CDH18: variants seen among roughly 807,000 people sequenced by gnomAD.
The protein encoded by CDH18 is cadherin 18, also known as cadherin-18.
CDH18 carries 31 observed loss-of-function variants against 67.9 expected under a neutral mutation model. The ratio of observed to expected loss-of-function variants is 0.46; its 90% CI spans 0.34 to 0.62. The LOEUF (loss-of-function observed/expected upper bound fraction) is 0.62. CDH18 is among the 20% of genes least tolerant of loss of function. The pLI, the probability that CDH18 is intolerant of heterozygous loss-of-function variation, is 0.01. For synonymous variants in CDH18, 362 were observed against 347.2 expected (o/e 1.04, Z -0.48); for missense variants, 890 against 975.5 (o/e 0.91, Z 1.17).
At chr5:20,346,803 A>G (rs374249675) in intron 1 of CDH18, among the ~76,000 whole-genome samples, 46 of 152,304 alleles carry the variant, frequency 3.0e-4, no homozygotes, top group African/African-American at 9.6e-4. Context: ...GGAATAGTTT[A>G]CAATGCATAA....
intron 2 of CDH18, among the ~76,000 whole-genome samples, chr5:19,947,984 C>G (rs983716237): frequency 6.6e-6 from 1 of 152,052 alleles, no homozygotes; most frequent in African/African-American, 2.4e-5. Flanking sequence ...AATAAACAGA[C>G]CTTTCACTGA....
chr5:20,214,066 C>A (rs1367383247), intron 2 of CDH18, among the ~76,000 whole-genome samples: 1 of 151,934 alleles, frequency 6.6e-6, no homozygotes, highest in Non-Finnish European at 1.5e-5. Context: ...AGAGCCAAAT[C>A]AAGAATGCAA....
At chr5:19,642,525 G>C (rs1754155753) in intron 5 of CDH18, among the ~76,000 whole-genome samples, 2 of 152,048 alleles carry the variant, frequency 1.3e-5, no homozygotes, top group South Asian at 4.1e-4. Context: ...GAAATTCAGT[G>C]ATCTACGGCT....
chr5:19,849,867 C>T (rs912320024), intron 2 of CDH18, among the ~76,000 whole-genome samples: 9 of 151,126 alleles, frequency 6.0e-5, no homozygotes, highest in Non-Finnish European at 1.3e-4. Flanking sequence ...AAACCATTAT[C>T]TTATTACAGT....
intron 1 of CDH18, among the ~76,000 whole-genome samples, chr5:20,526,554 G>T (rs1756078310): frequency 6.6e-6 from 1 of 152,090 alleles, no homozygotes; most frequent in African/African-American, 2.4e-5. Flanking sequence ...GCTTCCGGAG[G>T]AAGGAGCAGG....
intron 2 of CDH18, among the ~76,000 whole-genome samples, chr5:20,014,424 G>C (rs1433392236): frequency 6.6e-6 from 1 of 152,058 alleles, no homozygotes; most frequent in Non-Finnish European, 1.5e-5. Context: ...AGTCTTCCTA[G>C]AAAAGATGTC....
intron 2 of CDH18, among the ~76,000 whole-genome samples, chr5:20,141,009 C>T (rs1309134729): frequency 6.6e-6 from 1 of 152,144 alleles, no homozygotes; most frequent in African/African-American, 2.4e-5. Flanking sequence ...CTTATCTACT[C>T]CTTGGAATCT....
At chr5:20,189,583 A>G (rs964025902) in intron 2 of CDH18, among the ~76,000 whole-genome samples, 7 of 152,172 alleles carry the variant, frequency 4.6e-5, no homozygotes, top group African/African-American at 1.7e-4. Context: ...TATTATCCCC[A>G]TGTTACAAAT....
At chr5:19,911,022 A>G (rs1791083368) in intron 2 of CDH18, among the ~76,000 whole-genome samples, 1 of 152,100 alleles carries the variant, frequency 6.6e-6, no homozygotes, top group Non-Finnish European at 1.5e-5. Context: ...ATTTTCAGGT[A>G]GAGAGAGATT....
chr5:20,517,047 T>C (rs1447297942), intron 1 of CDH18, among the ~76,000 whole-genome samples: 1 of 151,944 alleles, frequency 6.6e-6, no homozygotes. Flanking sequence ...ACGAGAATTA[T>C]GTATATTTTG....
intron 12 of CDH18, among the ~76,000 whole-genome samples, chr5:19,478,826 G>T (rs1738926710): frequency 6.6e-6 from 1 of 152,098 alleles, no homozygotes; most frequent in Non-Finnish European, 1.5e-5. Flanking sequence ...AGGGAGAGAG[G>T]ATTTCAGCTA....
chr5:19,556,653 T>C (rs183139805), intron 8 of CDH18, among the ~76,000 whole-genome samples: 2 of 152,128 alleles, frequency 1.3e-5, no homozygotes, highest in South Asian at 2.1e-4. Flanking sequence ...ATAAAAACAA[T>C]TGGTGCTCCC....
At chr5:20,324,912 A>G (rs1738410340) in intron 1 of CDH18, among the ~76,000 whole-genome samples, 1 of 152,188 alleles carries the variant, frequency 6.6e-6, no homozygotes, top group Non-Finnish European at 1.5e-5. Flanking sequence ...ACATCTTATT[A>G]GTTCCCTTAT....
intron 2 of CDH18, among the ~76,000 whole-genome samples, chr5:20,028,150 A>C (rs1225122611): frequency 6.6e-6 from 1 of 151,780 alleles, no homozygotes; most frequent in Admixed American, 6.6e-5. Flanking sequence ...ATTACTTTTA[A>C]TGGCAAAAAC....
intron 7 of CDH18, among the ~76,000 whole-genome samples, chr5:19,583,570 A>T (rs6451335): frequency 0.61 from 91,943 of 151,886 alleles, 29,168 homozygotes; most frequent in South Asian, 0.75. Flanking sequence ...AATCAAAATC[A>T]TCACATGGAT....
In CDH18 at chr5:20,502,402, A is replaced by G. The variant is rs540468859; in HGVS notation, c.-580+73060T>C. ...AGGATTTTCTTCTTATTCAACCATTAGTTCATGTCTTAATGAAACCCAGTG... is the reference window on the plus strand; with the variant it reads ...AGGATTTTCTTCTTATTCAACCATTGGTTCATGTCTTAATGAAACCCAGTG... On this transcript the variant is annotated intron_variant, in intron 1 of 14. Transcript: ENST00000507958. 3.7e-4 allele frequency among the ~76,000 whole-genome samples: 57 copies of G among 152,272 alleles called. 1 individual carries two copies. The highest frequency in any genetic ancestry group is 4.7e-4 in the Non-Finnish European group (32 of 68,012).
intron 1 of CDH18, among the ~76,000 whole-genome samples, chr5:20,411,904 T>A (rs187694527): frequency 2.1e-3 from 314 of 151,840 alleles, no homozygotes; most frequent in African/African-American, 7.4e-3. Flanking sequence ...AAATGGAAAA[T>A]CATCCCTTGC....
chr5:19,686,172 C>T (rs1054726878), intron 5 of CDH18, among the ~76,000 whole-genome samples: 3 of 151,900 alleles, frequency 2.0e-5, no homozygotes, highest in Admixed American at 2.0e-4. Flanking sequence ...AACCAGCACG[C>T]AATAAAACAT....
intron 11 of CDH18, among the ~76,000 whole-genome samples, chr5:19,499,285 CTTCTT>C (rs1209313549): frequency 6.6e-6 from 1 of 152,138 alleles, no homozygotes; most frequent in Non-Finnish European, 1.5e-5. Flanking sequence ...TCTGATCCCA[CTTCTT>C]TTCTACCTAA....
Sources: allele counts gnomAD v4.1 joint callset (sites outside exome capture counted in the v4.1 genomes callset), GRCh38; gene constraint gnomAD v4.1.1; transcripts MANE v1.5; gene names NCBI Gene and HGNC (gene_info 2026-07-23, HGNC 2026-07-21).